CCDC7: variants seen among roughly 807,000 people sequenced by gnomAD.
CCDC7 encodes the protein coiled-coil domain containing 7.
Under a neutral mutation model 196.9 loss-of-function variants are expected in CCDC7, and 183 were observed. The ratio of observed to expected loss-of-function variants is 0.93; its 90% confidence interval spans 0.82 to 1.05. CCDC7 has a LOEUF of 1.05. CCDC7 is among the 50% of genes least tolerant of loss of function. CCDC7 has a pLI of 0.00. For synonymous variants in CCDC7, 525 were observed against 484.6 expected (o/e 1.08, Z -1.10); for missense variants, 1,540 against 1,482.2 (o/e 1.04, Z -0.64).
At position 32,861,983 on chromosome 10, in the gene CCDC7, T is replaced by G. The variant is rs568495673; in HGVS notation, c.4111+7494T>G. Reference sequence around the variant, plus strand: ...ACTGCTGGTGGGACTGTAAATTAGTTCAAACATTGTGGAAGACACTGTGGT... The same window carrying G: ...ACTGCTGGTGGGACTGTAAATTAGTGCAAACATTGTGGAAGACACTGTGGT... On this transcript the variant is annotated intron_variant, in intron 41 of 41. Coordinates refer to ENST00000639629, the Ensembl canonical transcript of CCDC7. Among the ~76,000 whole-genome samples the G allele has an allele frequency of 2.6e-5, 4 of 152,270 alleles. No individual in the cohort carries two copies. In the South Asian group the frequency reaches 8.3e-4, roughly 32 times the overall value.
intron 5 of CCDC7, among the ~76,000 whole-genome samples, chr10:32,465,386 A>G (rs1350009630): frequency 6.6e-6 from 1 of 152,106 alleles, no homozygotes; most frequent in Non-Finnish European, 1.5e-5. Context: ...CCTAACAAGT[A>G]AAACATTCTC....
chr10:32,472,560 A>G lies in CCDC7; in HGVS notation c.739+18A>G, dbSNP rs1652462480. ...AATTGAAGGTGATAATATTTTATATATGTTTATCCTTAAAAATTTTATTAA... is the reference window on the plus strand; with the variant it reads ...AATTGAAGGTGATAATATTTTATATGTGTTTATCCTTAAAAATTTTATTAA... On this transcript the variant is annotated intron_variant, in intron 7 of 41. Coordinates refer to ENST00000639629, the Ensembl canonical transcript of CCDC7. 5.3e-6 allele frequency: 8 copies of G among 1,513,284 alleles called. No homozygotes were observed. Among genetic ancestry groups the G allele is most frequent in the Non-Finnish European group, 7.1e-6 (8 of 1,133,262 alleles). 93.7% of individuals were successfully genotyped at this position (1,513,284 alleles called of 1,614,324 possible). A position where few individuals can be genotyped will look rare whatever the true frequency, so the allele number is the denominator to read the frequency against.
At chr10:32,592,709 C>T (rs2059898155) in intron 18 of CCDC7, among the ~76,000 whole-genome samples, 1 of 152,056 alleles carries the variant, frequency 6.6e-6, no homozygotes, top group Non-Finnish European at 1.5e-5. Context: ...CTCCCCACAC[C>T]CCCCGACAAG....
At chr10:32,448,628 G>C (rs533514409), upstream of CCDC7, among the ~76,000 whole-genome samples, 2 of 151,838 alleles carry the variant, frequency 1.3e-5, no homozygotes, top group African/African-American at 4.8e-5. Flanking sequence ...GCATAAATGT[G>C]CTAACAGGAT....
At chr10:32,837,439 G>C (rs1355554449) in intron 33 of CCDC7, among the ~76,000 whole-genome samples, 1 of 152,148 alleles carries the variant, frequency 6.6e-6, no homozygotes, top group Non-Finnish European at 1.5e-5. Flanking sequence ...GTACTGGAGA[G>C]GATGTGGAGA....
intron 5 of CCDC7, among the ~76,000 whole-genome samples, chr10:32,468,216 G>A (rs534644819): frequency 6.6e-6 from 1 of 152,276 alleles, no homozygotes; most frequent in East Asian, 1.9e-4. Flanking sequence ...TTCTATCCAT[G>A]CACATGGAAT....
chr10:32,840,836 G>A (rs1377660362), intron 33 of CCDC7, among the ~76,000 whole-genome samples: 2 of 151,758 alleles, frequency 1.3e-5, no homozygotes, highest in Non-Finnish European at 2.9e-5. Context: ...CAGGTATGCA[G>A]GGATGGTTTA....
chr10:32,480,604 ATTTTCT>A (rs367973021), intron 8 of CCDC7, among the ~76,000 whole-genome samples: 3,013 of 151,746 alleles, frequency 0.02, 103 homozygotes, highest in African/African-American at 0.069. Context: ...TTTCTTTTTG[ATTTTCT>A]TTTTGACCCA....
At chr10:32,763,083 C>T (rs371438730) in intron 28 of CCDC7, among the ~76,000 whole-genome samples, 8 of 151,808 alleles carry the variant, frequency 5.3e-5, no homozygotes, top group East Asian at 3.8e-4. Flanking sequence ...CCAACAGATT[C>T]AGAGAAAACA....
chr10:32,755,000 C>G (rs980031896), intron 28 of CCDC7, among the ~76,000 whole-genome samples: 20 of 152,200 alleles, frequency 1.3e-4, no homozygotes, highest in Non-Finnish European at 2.4e-4. Flanking sequence ...GTCCCACACC[C>G]ACAAAGCCTC....
At chr10:32,456,757 C>T (rs2034434900) in intron 3 of CCDC7, among the ~76,000 whole-genome samples, 1 of 152,032 alleles carries the variant, frequency 6.6e-6, no homozygotes, top group Non-Finnish European at 1.5e-5. Flanking sequence ...TACCATAAGC[C>T]TTATCAATTA....
intron 28 of CCDC7, among the ~76,000 whole-genome samples, chr10:32,777,676 G>A (rs1421158029): frequency 6.6e-6 from 1 of 151,876 alleles, no homozygotes; most frequent in Non-Finnish European, 1.5e-5. Context: ...GGCCAACATG[G>A]TGAAACCCCA....
chr10:32,679,715 C>A (rs2075572913), intron 21 of CCDC7, among the ~76,000 whole-genome samples: 1 of 152,096 alleles, frequency 6.6e-6, no homozygotes, highest in Non-Finnish European at 1.5e-5. Flanking sequence ...GCATCCAGTC[C>A]TATTTGGGGG....
chr10:32,868,434 T>G (rs1202380251), intron 41 of CCDC7, among the ~76,000 whole-genome samples: 2 of 152,036 alleles, frequency 1.3e-5, no homozygotes, highest in Non-Finnish European at 2.9e-5. Flanking sequence ...AATTCTCATA[T>G]GGATCTAAGT....
intron 28 of CCDC7, among the ~76,000 whole-genome samples, chr10:32,758,047 C>T (rs2076770577): frequency 6.6e-6 from 1 of 151,986 alleles, no homozygotes; most frequent in Non-Finnish European, 1.5e-5. Context: ...AAGACTAAAC[C>T]AGGAAGAAGT....
chr10:32,766,818 G>T (rs2078379700), intron 28 of CCDC7, among the ~76,000 whole-genome samples: 1 of 152,008 alleles, frequency 6.6e-6, no homozygotes, highest in Non-Finnish European at 1.5e-5. Context: ...AATACCTATG[G>T]TCTCCACTTC....
At chr10:32,474,211 T>C (rs1195950998) in intron 8 of CCDC7, among the ~76,000 whole-genome samples, 188 bp downstream of exon 9, 1 of 3,686 alleles carries the variant, frequency 2.7e-4, no homozygotes, top group Non-Finnish European at 8.0e-4. Flanking sequence ...AACTAGATTC[T>C]TTTTTTTTTT....
At chr10:32,655,576 G>C (rs2069658316) in intron 20 of CCDC7, among the ~76,000 whole-genome samples, 1 of 152,016 alleles carries the variant, frequency 6.6e-6, no homozygotes. Flanking sequence ...GCCTGGGCTG[G>C]AGTGCAGTGG....
At chr10:32,668,809 CA>C (rs1445831499) in intron 21 of CCDC7, among the ~76,000 whole-genome samples, 2 of 152,080 alleles carry the variant, frequency 1.3e-5, no homozygotes, top group African/African-American at 4.8e-5. Flanking sequence ...CAATGTTCGT[CA>C]GAGTTTTCTA....
Sources: allele counts gnomAD v4.1 joint callset (sites outside exome capture counted in the v4.1 genomes callset), GRCh38; gene constraint gnomAD v4.1.1; transcripts MANE v1.5; gene names NCBI Gene and HGNC (gene_info 2026-07-23, HGNC 2026-07-21).